ELMO1: variants seen among roughly 807,000 people sequenced by gnomAD.
ELMO1 encodes engulfment and cell motility 1.
In ELMO1, 26 loss-of-function variants were observed where a neutral mutation model predicts 98.9. The observed-to-expected ratio is 0.26, with a 90% CI of 0.19 to 0.36. The LOEUF is 0.36. ELMO1 is among the 10% of genes least tolerant of loss of function. The pLI, the probability that ELMO1 is intolerant of heterozygous loss-of-function variation, is 1.00. For synonymous variants in ELMO1, 346 were observed against 346.0 expected, an observed-to-expected ratio of 1.00 and a Z score of 0.00; for missense variants, 627 against 935.2, an observed-to-expected ratio of 0.67 and a Z score of 4.30.
intron 14 of ELMO1, among the ~76,000 whole-genome samples, chr7:37,108,468 T>C (rs1785060408): frequency 6.6e-6 from 1 of 152,244 alleles, no homozygotes; most frequent in African/African-American, 2.4e-5. Context: ...GTGTGGGCTT[T>C]GGCCCAGGGA....
At chr7:37,362,831 C>A (rs530815374) in intron 1 of ELMO1, among the ~76,000 whole-genome samples, 2 of 152,312 alleles carry the variant, frequency 1.3e-5, no homozygotes, top group African/African-American at 4.8e-5. Context: ...GCACTTCTAG[C>A]CCCCTTGCAG....
intron 15 of ELMO1, among the ~76,000 whole-genome samples, chr7:37,017,687 A>G (rs17170837): frequency 0.063 from 9,605 of 152,208 alleles, 932 homozygotes; most frequent in African/African-American, 0.21. Context: ...GACAGTTAGT[A>G]GGAGCTCCTG....
intron 15 of ELMO1, among the ~76,000 whole-genome samples, chr7:37,026,583 TCTTG>T (rs1370154177): frequency 6.6e-6 from 1 of 152,118 alleles, no homozygotes; most frequent in Non-Finnish European, 1.5e-5. Context: ...CTCCACTACT[TCTTG>T]CTTTTCTCTG....
At chr7:36,953,929 G>C (rs1788225376) in intron 16 of ELMO1, among the ~76,000 whole-genome samples, 1 of 150,672 alleles carries the variant, frequency 6.6e-6, no homozygotes. Flanking sequence ...TTGGAAGAAG[G>C]GGAATTAAAT....
At chr7:36,878,998 T>C (rs1484999805) in intron 18 of ELMO1, among the ~76,000 whole-genome samples, 1 of 152,248 alleles carries the variant, frequency 6.6e-6, no homozygotes, top group Non-Finnish European at 1.5e-5. Context: ...TCCTCTGAGA[T>C]GTTCTACAGT....
chr7:37,193,067 A>C (rs1330309757), intron 13 of ELMO1, among the ~76,000 whole-genome samples: 1 of 150,546 alleles, frequency 6.6e-6, no homozygotes, highest in Non-Finnish European at 1.5e-5. Context: ...AATACAAAAC[A>C]AAACATTGCA....
chr7:37,428,351 G>C (rs547709266), intron 1 of ELMO1, among the ~76,000 whole-genome samples: 2 of 152,114 alleles, frequency 1.3e-5, no homozygotes, highest in Admixed American at 1.3e-4. Flanking sequence ...CTTTTAAGAG[G>C]AGCTTTCAGA....
chr7:37,237,234 G>A (rs1266029811), intron 7 of ELMO1, among the ~76,000 whole-genome samples: 1 of 152,164 alleles, frequency 6.6e-6, no homozygotes, highest in Admixed American at 6.5e-5. Flanking sequence ...TTTTATAAAA[G>A]AATAGTGCTT....
At chr7:36,929,428 G>C (rs1785847854) in intron 16 of ELMO1, among the ~76,000 whole-genome samples, 1 of 152,190 alleles carries the variant, frequency 6.6e-6, no homozygotes, top group Admixed American at 6.5e-5. Flanking sequence ...ATGATGGAAT[G>C]CACATCAAGA....
chr7:37,375,655 G>C, intron 1 of ELMO1: 2 of 1,226,296 alleles, frequency 1.6e-6, no homozygotes, highest in Non-Finnish European at 2.4e-6. Flanking sequence ...CAACCTTCAG[G>C]TCATGAAGGC....
chr7:37,175,656 G>A (rs35357660), intron 13 of ELMO1, among the ~76,000 whole-genome samples: 23,549 of 152,046 alleles, frequency 0.15, 2,162 homozygotes, highest in Middle Eastern at 0.29. Flanking sequence ...GACCAGCCTG[G>A]GAAACATGGT....
chr7:36,912,338 C>T (rs891633297), intron 16 of ELMO1, among the ~76,000 whole-genome samples: 11 of 152,170 alleles, frequency 7.2e-5, no homozygotes, highest in African/African-American at 2.2e-4. Flanking sequence ...GGTGCTGCCA[C>T]GCCCAACTCT....
At chr7:37,169,217 GA>G (rs1789971379) in intron 13 of ELMO1, among the ~76,000 whole-genome samples, 2 of 152,202 alleles carry the variant, frequency 1.3e-5, no homozygotes, top group African/African-American at 4.8e-5. Context: ...GGGTGGGAAT[GA>G]CCCGATTTTC....
intron 1 of ELMO1, among the ~76,000 whole-genome samples, chr7:37,437,598 T>A (rs1472959726): frequency 1.3e-5 from 2 of 152,260 alleles, no homozygotes; most frequent in African/African-American, 4.8e-5. Context: ...ATCAGGCTAA[T>A]GAACATATCT....
At chr7:36,896,819 C>T (rs547314517) in intron 16 of ELMO1, among the ~76,000 whole-genome samples, 41 of 152,218 alleles carry the variant, frequency 2.7e-4, no homozygotes, top group Non-Finnish European at 4.6e-4. Context: ...TATCATATGA[C>T]GGGCACCATA....
chr7:37,142,398 A>C (rs1055766978), intron 13 of ELMO1, among the ~76,000 whole-genome samples: 1 of 152,208 alleles, frequency 6.6e-6, no homozygotes, highest in African/African-American at 2.4e-5. Flanking sequence ...TGTACTTTAC[A>C]TGTATTAAAT....
intron 13 of ELMO1, among the ~76,000 whole-genome samples, chr7:37,198,255 GA>G (rs1375404256): frequency 6.6e-6 from 1 of 152,156 alleles, no homozygotes; most frequent in African/African-American, 2.4e-5. Flanking sequence ...AACTGTTTTT[GA>G]AGCCATGTAT....
intron 14 of ELMO1, among the ~76,000 whole-genome samples, chr7:37,105,852 G>A (rs899947805): frequency 6.6e-6 from 1 of 152,172 alleles, no homozygotes; most frequent in African/African-American, 2.4e-5. Flanking sequence ...AGGCAGAATG[G>A]TGGTTGCCGG....
At chr7:37,060,766 A>T (rs1257279697) in intron 15 of ELMO1, among the ~76,000 whole-genome samples, 4 of 152,196 alleles carry the variant, frequency 2.6e-5, no homozygotes, top group African/African-American at 7.2e-5. Flanking sequence ...CTTTTTCAAA[A>T]TTTCATTTAT....
Sources: gnomAD v4.1 joint callset for allele counts (sites outside exome capture counted in the v4.1 genomes callset) on GRCh38, gnomAD v4.1.1 for gene constraint, MANE v1.5 for transcripts, NCBI Gene and HGNC (gene_info 2026-07-23, HGNC 2026-07-21) for gene names.